CEP70: variants seen among roughly 807,000 people sequenced by gnomAD.
The protein encoded by CEP70 is centrosomal protein of 70 kDa.
A neutral mutation model predicts 90.9 loss-of-function variants in CEP70; 70 were observed. That is an observed-to-expected ratio of 0.77 (90% CI 0.64 to 0.94). The LOEUF is 0.94. Ranked by LOEUF, CEP70 falls within the 40% of genes least tolerant of loss-of-function variation. The probability of loss-of-function intolerance (pLI) is 0.00; values close to 1 mark genes in which losing one functional copy is unlikely to be tolerated. For synonymous variants in CEP70, 220 were observed against 228.3 expected, an observed-to-expected ratio of 0.96 and a Z score of 0.33; for missense variants, 648 against 669.0, an observed-to-expected ratio of 0.97 and a Z score of 0.35.
At chr3:138,523,907 G>A (rs9749800) in intron 11 of CEP70, among the ~76,000 whole-genome samples, 10 of 151,858 alleles carry the variant, frequency 6.6e-5, no homozygotes, top group East Asian at 3.9e-4. Context: ...AAAAGAGCCC[G>A]CATTGCCAAG....
In CEP70 at chr3:138,503,497, T is replaced by C. The variant is rs1404537758; in HGVS notation, c.1221+1798A>G. On this transcript the variant is annotated intron_variant, in intron 13 of 17. Transcript: ENST00000264982. ...TCTGGGAAGATGGTTGTCCCAAACT[T>C]AGAGGTTGCTACATATCAAATAACC... Among the ~76,000 whole-genome samples, 4 of 152,184 alleles carry C rather than the reference T, an allele frequency of 2.6e-5. No individual in the cohort carries two copies. In the East Asian group the frequency reaches 7.7e-4, roughly 29 times the overall value.
At chr3:138,533,968 T>G (rs1560353562) in intron 7 of CEP70, among the ~76,000 whole-genome samples, 1 of 152,114 alleles carries the variant, frequency 6.6e-6, no homozygotes, top group Non-Finnish European at 1.5e-5. Context: ...GTATTTTTAG[T>G]AGAGACGGGG....
At chr3:138,566,223 T>TTACACTCTATAAAATACCCATCA (rs1336476194) in intron 6 of CEP70, among the ~76,000 whole-genome samples, 1 of 152,192 alleles carries the variant, frequency 6.6e-6, no homozygotes, top group Admixed American at 6.5e-5. Context: ...TTTACACTGT[T>TTACACTCTATAAAATACCCATCA]GGTGGGGGTG....
At chr3:138,592,428 G>A (rs2042428934) in intron 1 of CEP70, among the ~76,000 whole-genome samples, 1 of 152,152 alleles carries the variant, frequency 6.6e-6, no homozygotes, top group African/African-American at 2.4e-5. Flanking sequence ...CCCACTACAG[G>A]CTGTGACAGG....
intron 8 of CEP70, among the ~76,000 whole-genome samples, chr3:138,530,365 G>C (rs971268324): frequency 6.6e-6 from 1 of 152,158 alleles, no homozygotes; most frequent in Non-Finnish European, 1.5e-5. Flanking sequence ...TTGTAGCCTA[G>C]TGTGCACTGG....
intron 11 of CEP70, among the ~76,000 whole-genome samples, chr3:138,517,213 CT>C (rs1398869227): frequency 6.6e-6 from 1 of 152,124 alleles, no homozygotes. Context: ...AGGCAACTAC[CT>C]TTTTTGTTCT....
intron 2 of CEP70, among the ~76,000 whole-genome samples, chr3:138,582,394 C>CTCAGAAGCCAGAGGTTT (rs1259657712): frequency 6.6e-6 from 1 of 151,798 alleles, no homozygotes; most frequent in African/African-American, 2.4e-5. Context: ...ATCGCTTGAA[C>CTCAGAAGCCAGAGGTTT]CTGGGAGGTG....
At position 138,570,306 on chromosome 3, in the gene CEP70, A is replaced by G; in HGVS notation, c.465+12T>C. On this transcript the variant is annotated intron_variant, in intron 6 of 17. Transcript: ENST00000264982. ...CTAACTAACCATCATCTAAGAATTC[A>G]TAACTCAGTACCTGTAAAGTTTTCT... 2 of 1,530,748 alleles carry G rather than the reference A, an allele frequency of 1.3e-6. No individual in the cohort carries two copies. The highest frequency in any genetic ancestry group is 2.4e-5 in the East Asian group (1 of 41,800). The allele number at this position is 1,530,748 out of a possible 1,614,324, so 94.8% of individuals were successfully genotyped here.
At chr3:138,554,640 G>A (rs151220003) in intron 6 of CEP70, among the ~76,000 whole-genome samples, 5 of 152,268 alleles carry the variant, frequency 3.3e-5, no homozygotes, top group African/African-American at 1.2e-4. Flanking sequence ...CAAAATTAAT[G>A]TACATAAATC....
At chr3:138,575,803 T>C (rs1299858478) in intron 2 of CEP70, among the ~76,000 whole-genome samples, 2 of 152,180 alleles carry the variant, frequency 1.3e-5, no homozygotes, top group African/African-American at 4.8e-5. Context: ...TATTCAACAT[T>C]CTTAAAGAAA....
chr3:138,529,188 GT>G lies in CEP70; in HGVS notation c.869+10del. Reference sequence around the variant, plus strand: ...TCAGGAAAAAAAAAAAAAAAATTAAGTTTCTCTCACCTGGTTTCCAAATCTT... The same window carrying G: ...TCAGGAAAAAAAAAAAAAAAATTAAGTTCTCTCACCTGGTTTCCAAATCTT... On this transcript the variant is annotated intron_variant, in intron 10 of 17. Transcript: ENST00000264982. 1 of 1,497,182 alleles carries G rather than the reference GT, an allele frequency of 6.7e-7. No individual in the cohort carries two copies. Among genetic ancestry groups the G allele is most frequent in the East Asian group, 2.3e-5 (1 of 43,996 alleles). 92.7% of individuals were successfully genotyped at this position (1,497,182 alleles called of 1,614,324 possible). A position where few individuals can be genotyped will look rare whatever the true frequency, so the allele number is the denominator to read the frequency against.
chr3:138,505,158 C>A, intron 13 of CEP70, 137 bp downstream of exon 13: 1 of 565,290 alleles, frequency 1.8e-6, no homozygotes, highest in South Asian at 5.2e-5. Flanking sequence ...AGATAATAAG[C>A]TTTTTTAGCT....
chr3:138,542,268 C>G (rs1156838469), intron 6 of CEP70, among the ~76,000 whole-genome samples: 1 of 152,194 alleles, frequency 6.6e-6, no homozygotes, highest in Non-Finnish European at 1.5e-5. Flanking sequence ...CAAGCAGCTT[C>G]CGCTGTGGGC....
intron 2 of CEP70, among the ~76,000 whole-genome samples, chr3:138,576,301 C>T (rs1448751271): frequency 6.6e-6 from 1 of 152,104 alleles, no homozygotes; most frequent in Non-Finnish European, 1.5e-5. Flanking sequence ...GGGTTGCAAT[C>T]CTAGTCTCTG....
chr3:138,520,002 T>C (rs563721186), intron 11 of CEP70, among the ~76,000 whole-genome samples: 2 of 151,544 alleles, frequency 1.3e-5, no homozygotes, highest in Non-Finnish European at 2.9e-5. Context: ...ACTAAGCAAA[T>C]GGAAAACAAA....
chr3:138,532,394 C>T (rs900398816), intron 8 of CEP70, 120 bp downstream of exon 8: 2 of 802,578 alleles, frequency 2.5e-6, no homozygotes, highest in African/African-American at 3.6e-5. Context: ...TAAAAAAGAA[C>T]TTCACAGTGA....
chr3:138,557,873 T>C (rs914293059), intron 6 of CEP70, among the ~76,000 whole-genome samples: 7 of 152,172 alleles, frequency 4.6e-5, no homozygotes, highest in African/African-American at 1.4e-4. Context: ...ATTAGAGTTA[T>C]CAGACACAGA....
At chr3:138,579,606 C>T (rs964071725) in intron 2 of CEP70, among the ~76,000 whole-genome samples, 6 of 151,900 alleles carry the variant, frequency 3.9e-5, no homozygotes, top group Admixed American at 2.0e-4. Flanking sequence ...TTTCTAGACA[C>T]ATCCTTGGCC....
chr3:138,546,547 G>A (rs781444822), intron 6 of CEP70, among the ~76,000 whole-genome samples: 20 of 152,094 alleles, frequency 1.3e-4, no homozygotes, highest in Non-Finnish European at 2.4e-4. Flanking sequence ...TCAGGAGTTC[G>A]CGATCAGCCT....
Sources: gnomAD v4.1 joint callset for allele counts (sites outside exome capture counted in the v4.1 genomes callset) on GRCh38, gnomAD v4.1.1 for gene constraint, MANE v1.5 for transcripts, NCBI Gene and HGNC (gene_info 2026-07-23, HGNC 2026-07-21) for gene names.